The following DENND2B variants were observed in gnomAD, a reference collection of about 807,000 sequenced individuals.
DENND2B encodes DENN domain-containing protein 2B.
Under a neutral mutation model 116.0 loss-of-function variants are expected in DENND2B, and 32 were observed. The ratio of observed to expected loss-of-function variants is 0.28; its 90% CI spans 0.21 to 0.37. The LOEUF (loss-of-function observed/expected upper bound fraction) is 0.37. Among genes scored for constraint, DENND2B ranks in the 10% least tolerant of loss-of-function variants. The probability of loss-of-function intolerance (pLI) is 1.00; values close to 1 mark genes in which losing one functional copy is unlikely to be tolerated. For synonymous variants in DENND2B, 588 were observed against 583.9 expected (o/e 1.01, Z -0.10); for missense variants, 1,276 against 1,477.7 (o/e 0.86, Z 2.24).
intron 1 of DENND2B, among the ~76,000 whole-genome samples, chr11:8,760,542 C>G (rs2054422176): frequency 6.6e-6 from 1 of 152,018 alleles, no homozygotes; most frequent in Non-Finnish European, 1.5e-5. Flanking sequence ...CACTTGAGCC[C>G]AGAAGTCCAA....
chr11:8,804,604 G>A (rs1038158803), intron 1 of DENND2B, among the ~76,000 whole-genome samples: 2 of 145,988 alleles, frequency 1.4e-5, no homozygotes, highest in Non-Finnish European at 3.0e-5. Context: ...GAGTGCAGTG[G>A]TGCGATCTCA....
At chr11:8,732,109 G>A (rs2048224681) in intron 2 of DENND2B, among the ~76,000 whole-genome samples, 1 of 152,184 alleles carries the variant, frequency 6.6e-6, no homozygotes, top group African/African-American at 2.4e-5. Flanking sequence ...CATTGAGGAA[G>A]CCAATGGGGT....
At chr11:8,846,039 T>A (rs981939938) in intron 3 of DENND2B, among the ~76,000 whole-genome samples, 16 of 152,172 alleles carry the variant, frequency 1.1e-4, no homozygotes, top group African/African-American at 3.9e-4. Context: ...CCTTCGAAGG[T>A]CCTCATGTGC....
intron 19 of DENND2B, 39 bp downstream of exon 19, chr11:8,695,424 T>G (rs773053433): frequency 6.3e-7 from 1 of 1,582,826 alleles, no homozygotes; most frequent in Non-Finnish European, 8.7e-7. Flanking sequence ...CCCTTCCTTC[T>G]TGCTGAACAT....
intron 3 of DENND2B, 148 bp from the exon 4 acceptor site, chr11:8,726,357 C>T: frequency 9.6e-7 from 1 of 1,040,152 alleles, no homozygotes; most frequent in Non-Finnish European, 1.4e-6. Flanking sequence ...AACTTACCAT[C>T]CAAATGAAGA....
chr11:8,889,939 GCCT>G (rs1267957645), intron 1 of DENND2B, among the ~76,000 whole-genome samples: 1 of 152,208 alleles, frequency 6.6e-6, no homozygotes, highest in Non-Finnish European at 1.5e-5. Context: ...TGGACAGACT[GCCT>G]CCTCAAGTGG....
rs1165050742 is a variant in DENND2B at position 8,869,396 on chromosome 11, C to G, written c.-250+1558G>C. Among the ~76,000 whole-genome samples, 10 of 152,318 alleles carry G rather than the reference C, an allele frequency of 6.6e-5. No homozygotes were observed. In the East Asian group the frequency reaches 1.7e-3, roughly 26 times the overall value. ...TTGCCAGATAGCCTGGGCCCAGTGG[C>G]TCACGCCTGTAATTCCAGCACTTTG... On this transcript the variant is annotated intron_variant, in intron 2 of 6. Coordinates refer to the DENND2B transcript ENST00000524757.
intron 4 of DENND2B, among the ~76,000 whole-genome samples, chr11:8,725,417 C>T (rs562316533): frequency 2.4e-4 from 37 of 151,572 alleles, no homozygotes; most frequent in Non-Finnish European, 4.6e-4. Flanking sequence ...TCATGTTGCC[C>T]AGGCAGGAGT....
At chr11:8,828,470 G>C (rs2062064335) in intron 4 of DENND2B, among the ~76,000 whole-genome samples, 1 of 152,136 alleles carries the variant, frequency 6.6e-6, no homozygotes, top group South Asian at 2.1e-4. Context: ...TCAGGACGCA[G>C]ACCACAAGAA....
chr11:8,773,937 T>C (rs892487727), intron 1 of DENND2B, among the ~76,000 whole-genome samples: 4 of 152,226 alleles, frequency 2.6e-5, no homozygotes, highest in Non-Finnish European at 5.9e-5. Flanking sequence ...GTTTCCTCTG[T>C]AAGAAACAAT....
intron 4 of DENND2B, among the ~76,000 whole-genome samples, chr11:8,719,488 C>A (rs970482588): frequency 5.9e-5 from 9 of 152,212 alleles, no homozygotes; most frequent in Admixed American, 6.5e-5. Flanking sequence ...ATGGAACAGA[C>A]CTTTTCCTGT....
chr11:8,832,896 C>T (rs1054743763), intron 4 of DENND2B, among the ~76,000 whole-genome samples: 1 of 152,218 alleles, frequency 6.6e-6, no homozygotes, highest in Admixed American at 6.5e-5. Flanking sequence ...CAGTAAGCAG[C>T]GGCTGCACTT....
intron 18 of DENND2B, 158 bp from the exon 19 acceptor site, chr11:8,695,707 G>T: frequency 1.6e-6 from 1 of 639,540 alleles, no homozygotes; most frequent in Non-Finnish European, 2.7e-6. Flanking sequence ...ATTCGGGCTG[G>T]CTCATCAAGG....
chr11:8,802,084 T>G (rs1314417956), intron 1 of DENND2B, among the ~76,000 whole-genome samples: 1 of 150,522 alleles, frequency 6.6e-6, no homozygotes, highest in African/African-American at 2.4e-5. Context: ...GTGTATCACC[T>G]GAGATCAGGA....
intron 1 of DENND2B, among the ~76,000 whole-genome samples, chr11:8,802,801 A>T (rs562933672): frequency 1.6e-4 from 24 of 152,240 alleles, no homozygotes; most frequent in Middle Eastern, 3.4e-3. Flanking sequence ...GTTAACCAAA[A>T]TTTTCCCAGG....
chr11:8,817,784 A>G (rs1280332779), intron 4 of DENND2B, among the ~76,000 whole-genome samples: 2 of 152,096 alleles, frequency 1.3e-5, no homozygotes, highest in African/African-American at 4.8e-5. Flanking sequence ...AGTCTCTGTG[A>G]TAACGTTAAT....
intron 2 of DENND2B, among the ~76,000 whole-genome samples, chr11:8,859,589 T>C (rs1245122636): frequency 6.6e-6 from 1 of 152,164 alleles, no homozygotes; most frequent in Non-Finnish European, 1.5e-5. Context: ...ATTACAGGCG[T>C]GAGCCACCGC....
intron 4 of DENND2B, among the ~76,000 whole-genome samples, chr11:8,835,193 G>A (rs1594170491): frequency 6.6e-6 from 1 of 152,272 alleles, no homozygotes; most frequent in East Asian, 1.9e-4. Context: ...GCAGTGAGCT[G>A]AGATCGCGCC....
chr11:8,743,342 G>A (rs2050587092), intron 2 of DENND2B, among the ~76,000 whole-genome samples: 1 of 151,870 alleles, frequency 6.6e-6, no homozygotes, highest in Non-Finnish European at 1.5e-5. Flanking sequence ...CTGAGGTCAG[G>A]AGTTTGAGAC....
Sources: allele counts gnomAD v4.1 joint callset (sites outside exome capture counted in the v4.1 genomes callset), GRCh38; gene constraint gnomAD v4.1.1; transcripts MANE v1.5; gene names NCBI Gene and HGNC (gene_info 2026-07-23, HGNC 2026-07-21).